OCA2: variants seen among roughly 807,000 people sequenced by gnomAD.
The protein encoded by OCA2 is P protein.
In OCA2, 77 loss-of-function variants were observed where a neutral mutation model predicts 100.2. The observed-to-expected ratio is 0.77, with a 90% CI of 0.64 to 0.93. The LOEUF (loss-of-function observed/expected upper bound fraction) is 0.93. Among genes scored for constraint, OCA2 ranks in the 40% least tolerant of loss-of-function variants. OCA2 has a pLI of 0.00. For synonymous variants in OCA2, 432 were observed against 439.2 expected (o/e 0.98, Z 0.21); for missense variants, 1,062 against 1,089.1 (o/e 0.98, Z 0.35).
At position 27,770,887 on chromosome 15, in the gene OCA2, T is replaced by C. The variant is rs1436796715; in HGVS notation, c.2433-15415A>G. On this transcript the variant is annotated intron_variant, in intron 23 of 23. Transcript: ENST00000354638. ...CTTCCTTCCCTCCTTCCTTTGCTCC[T>C]TCCCATCTCCTTTTCCTTCCTTCCC... Among the ~76,000 whole-genome samples, 176 of 130,750 alleles carry C rather than the reference T, an allele frequency of 1.3e-3. 3 individuals carry two copies. The highest frequency in any genetic ancestry group is 5.4e-3 in the African/African-American group (166 of 30,786). 85.8% of individuals were successfully genotyped at this position (130,750 alleles called of 152,430 possible).
chr15:27,934,207 G>A (rs1407812055), intron 18 of OCA2, among the ~76,000 whole-genome samples: 1 of 138,742 alleles, frequency 7.2e-6, no homozygotes, highest in African/African-American at 2.5e-5. Context: ...TTGTCATTTA[G>A]CATGTGAAGG....
At position 27,895,993 on chromosome 15, in the gene OCA2, G is replaced by A. The variant is rs181652103; in HGVS notation, c.2080-24071C>T. The A allele has an allele frequency of 7.2e-4, 603 of 842,450 alleles. 3 individuals are homozygous for A. The highest frequency in any genetic ancestry group is 1.1e-3 in the Middle Eastern group (3 of 2,804). The allele number at this position is 842,450 out of a possible 1,614,324, so 52.2% of individuals were successfully genotyped here. A position where few individuals can be genotyped will look rare whatever the true frequency, so the allele number is the denominator to read the frequency against. On this transcript the variant is annotated intron_variant, in intron 19 of 23. Coordinates refer to ENST00000354638, the MANE Select transcript of OCA2 (RefSeq NM_000275.3). ...AGGTTGGCCTGACCAATTACGCTGC[G>A]GTGTATTGTACTGGCCTGCAGGCTT...
At chr15:27,851,263 A>G in intron 22 of OCA2, 119 bp downstream of exon 22, 1 of 855,132 alleles carries the variant, frequency 1.2e-6, no homozygotes, top group Non-Finnish European at 1.9e-6. Flanking sequence ...GTGTCCACTC[A>G]GGAAATCATC....
chr15:27,870,929 G>A (rs553591298), intron 21 of OCA2, among the ~76,000 whole-genome samples: 1 of 152,168 alleles, frequency 6.6e-6, no homozygotes, highest in African/African-American at 2.4e-5. Context: ...AGTCACCCCA[G>A]GACGTGCTGT....
At chr15:27,859,059 T>C (rs2036039918) in intron 21 of OCA2, among the ~76,000 whole-genome samples, 1 of 152,074 alleles carries the variant, frequency 6.6e-6, no homozygotes, top group Non-Finnish European at 1.5e-5. Context: ...TATAAATGCA[T>C]ATATTATAAA....
intron 2 of OCA2, among the ~76,000 whole-genome samples, chr15:28,037,704 G>A (rs2043084012): frequency 6.6e-6 from 1 of 152,180 alleles, no homozygotes; most frequent in African/African-American, 2.4e-5. Context: ...TGATAACCCT[G>A]AAGGTAGATA....
chr15:28,084,290 T>C (rs2044735069), intron 1 of OCA2, among the ~76,000 whole-genome samples: 1 of 152,230 alleles, frequency 6.6e-6, no homozygotes, highest in South Asian at 2.1e-4. Flanking sequence ...TTTATGATGT[T>C]TTGTTACAGC....
At chr15:27,945,983 T>TA (rs1029050657) in intron 18 of OCA2, among the ~76,000 whole-genome samples, 1 of 152,156 alleles carries the variant, frequency 6.6e-6, no homozygotes, top group Admixed American at 6.5e-5. Context: ...TATTTTGATG[T>TA]AAAAAAATTC....
At chr15:28,072,010 T>C (rs1429527527) in intron 2 of OCA2, among the ~76,000 whole-genome samples, 1 of 152,158 alleles carries the variant, frequency 6.6e-6, no homozygotes, top group Non-Finnish European at 1.5e-5. Flanking sequence ...TTACAAACTA[T>C]GCATCTGACA....
intron 19 of OCA2, among the ~76,000 whole-genome samples, chr15:27,884,210 GTC>G (rs2037134615): frequency 6.6e-6 from 1 of 152,074 alleles, no homozygotes; most frequent in Non-Finnish European, 1.5e-5. Flanking sequence ...GGCGAAACCT[GTC>G]TCTACAAAAA....
At chr15:27,767,229 C>A (rs963753341) in intron 23 of OCA2, among the ~76,000 whole-genome samples, 1 of 152,226 alleles carries the variant, frequency 6.6e-6, no homozygotes, top group African/African-American at 2.4e-5. Flanking sequence ...TACTGAGGAC[C>A]CATGGACTGA....
chr15:27,968,015 G>A (rs1045927654), intron 14 of OCA2, among the ~76,000 whole-genome samples: 3 of 152,242 alleles, frequency 2.0e-5, no homozygotes, highest in Non-Finnish European at 1.5e-5. Flanking sequence ...TGGCGTCCTG[G>A]AATAAGTCAG....
At chr15:27,859,717 G>T (rs2036063565) in intron 21 of OCA2, among the ~76,000 whole-genome samples, 1 of 152,148 alleles carries the variant, frequency 6.6e-6, no homozygotes. Context: ...GCCACTACAA[G>T]AAAAGAAAAC....
At chr15:27,779,251 T>C (rs1036543651) in intron 23 of OCA2, among the ~76,000 whole-genome samples, 2 of 152,236 alleles carry the variant, frequency 1.3e-5, no homozygotes, top group Non-Finnish European at 2.9e-5. Context: ...CTGGGTTGAA[T>C]GATCTGGATG....
chr15:27,928,444 T>C (rs575632563), intron 18 of OCA2, among the ~76,000 whole-genome samples: 1 of 152,282 alleles, frequency 6.6e-6, no homozygotes, highest in South Asian at 2.1e-4. Context: ...TAGTTTTCAA[T>C]TATATCATGA....
intron 19 of OCA2, among the ~76,000 whole-genome samples, chr15:27,886,030 G>A (rs996649485): frequency 3.9e-5 from 6 of 152,228 alleles, no homozygotes; most frequent in Admixed American, 1.3e-4. Context: ...CTGCCCTGAG[G>A]ATGGATATTT....
chr15:28,032,157 G>A lies in OCA2; in HGVS notation c.234C>T (p.His78=), dbSNP rs1403067374. The A allele has an allele frequency of 1.2e-6, 2 of 1,611,934 alleles. No individual in the cohort carries two copies. The highest frequency in any genetic ancestry group is 1.3e-5 in the African/African-American group (1 of 75,010). ...AGCTGGACATCTGGGGCAAAGAAGAGTGAGACCTGAAAGAGACAGGGTAGG... is the reference window on the plus strand; with the variant it reads ...AGCTGGACATCTGGGGCAAAGAAGAATGAGACCTGAAAGAGACAGGGTAGG... ...FASFLTKGRS[H]SSLPQMSSSR... is the part of the protein sequence containing the mutation. The change falls in exon 3 of 24, where the codon CAC becomes CAT. Residue 78 remains histidine (H), a synonymous_variant. Transcript: ENST00000354638.
the OCA2 span, among the ~76,000 whole-genome samples, chr15:27,719,769 G>A: frequency 6.6e-6 from 1 of 152,182 alleles, no homozygotes; most frequent in Non-Finnish European, 1.5e-5. Context: ...TCACAGTTCT[G>A]GAGGATAGGA....
intron 23 of OCA2, among the ~76,000 whole-genome samples, chr15:27,831,748 C>A (rs2034967004): frequency 6.6e-6 from 1 of 152,196 alleles, no homozygotes; most frequent in Non-Finnish European, 1.5e-5. Flanking sequence ...GTGGAGAGAG[C>A]ACAGCCTGGC....
Sources: allele counts gnomAD v4.1 joint callset (sites outside exome capture counted in the v4.1 genomes callset), GRCh38; gene constraint gnomAD v4.1.1; transcripts MANE v1.5; gene names NCBI Gene and HGNC (gene_info 2026-07-23, HGNC 2026-07-21).